Variants in FADS2 observed in about 807,000 individuals in gnomAD.
FADS2 encodes the protein acyl-CoA 6-desaturase.
A neutral mutation model predicts 61.2 loss-of-function variants in FADS2; 18 were observed. The ratio of observed to expected loss-of-function variants is 0.29; its 90% confidence interval spans 0.20 to 0.44. The LOEUF is 0.44. FADS2 is among the 20% of genes least tolerant of loss of function. FADS2 has a pLI of 1.00. For missense variants in FADS2, 322 were observed against 572.7 expected (o/e 0.56, Z 4.47); for synonymous variants, 203 against 223.9 (o/e 0.91, Z 0.83).
chr11:61,833,371 C>T lies in FADS2; in HGVS notation c.208-4407C>T, dbSNP rs2067144752. ...TATACCTGCCAGATATTTCTGTAAC[C>T]CGGCAGGTGCTGGAAACCTTCTGCC... On this transcript the variant is annotated intron_variant, in intron 1 of 11. Transcript: ENST00000278840. Among the ~76,000 whole-genome samples, 3 of 152,206 alleles carry T rather than the reference C, an allele frequency of 2.0e-5. No individual in the cohort carries two copies. In the South Asian group the frequency reaches 6.2e-4, roughly 31 times the overall value.
chr11:61,816,444 C>T lies in FADS2; in HGVS notation c.141+18C>T, dbSNP rs768737586. ...GGCAACAGGTATGATCAGGCGCCTCCGGGCTTTCCTCCGAATTAGTCGGTG... is the reference window on the plus strand; with the variant it reads ...GGCAACAGGTATGATCAGGCGCCTCTGGGCTTTCCTCCGAATTAGTCGGTG... On this transcript the variant is annotated intron_variant, in intron 1 of 11. Transcript: ENST00000257261. This position sits in a 1 kb window ranked among gnomAD's most constrained non-coding sequence, Gnocchi z 7.0. The T allele has an allele frequency of 1.9e-6, 3 of 1,599,522 alleles. No homozygotes were observed. The highest frequency in any genetic ancestry group is 2.5e-6 in the Non-Finnish European group (3 of 1,179,780).
At chr11:61,832,925 C>T (rs773661109) in intron 1 of FADS2, among the ~76,000 whole-genome samples, 1 of 152,198 alleles carries the variant, frequency 6.6e-6, no homozygotes. Context: ...AGCCTTGCTC[C>T]CCAGAGGACA....
intron 7 of FADS2, among the ~76,000 whole-genome samples, chr11:61,859,929 T>G (rs1432893920): frequency 7.4e-6 from 1 of 135,912 alleles, no homozygotes; most frequent in Non-Finnish European, 1.7e-5. Context: ...GAGCTTGCAG[T>G]GAGCAACTTC....
At chr11:61,846,408 C>T (rs952618992) in intron 4 of FADS2, among the ~76,000 whole-genome samples, 1 of 137,928 alleles carries the variant, frequency 7.3e-6, no homozygotes, top group African/African-American at 2.8e-5. Flanking sequence ...CACTCTCTGA[C>T]TTTTTTTTTT....
At chr11:61,852,322 G>T (rs776822496) in intron 5 of FADS2, among the ~76,000 whole-genome samples, 1 of 152,136 alleles carries the variant, frequency 6.6e-6, no homozygotes, top group Non-Finnish European at 1.5e-5. Context: ...GCGTAGTGGC[G>T]CAATCTCGGT....
chr11:61,837,725 C>A, intron 1 of FADS2, 53 bp from the exon 2 acceptor site: 1 of 1,300,930 alleles, frequency 7.7e-7, no homozygotes, highest in Non-Finnish European at 1.1e-6. Context: ...CCTTGGGGCC[C>A]AAGAGCAGAC....
chr11:61,856,968 A>G (rs753397082), intron 5 of FADS2, 43 bp from the exon 6 acceptor site: 1 of 1,520,716 alleles, frequency 6.6e-7, no homozygotes, highest in Non-Finnish European at 9.1e-7. Flanking sequence ...GGAGGCTGGG[A>G]GCTGAGGCTA....
chr11:61,825,016 C>A (rs188370817), upstream of FADS2, among the ~76,000 whole-genome samples: 1,228 of 151,742 alleles, frequency 8.1e-3, 16 homozygotes, highest in Admixed American at 0.015. Flanking sequence ...CATGGTGAAA[C>A]CCCATCTCTA....
upstream of FADS2, among the ~76,000 whole-genome samples, chr11:61,824,201 G>A (rs1017747195): frequency 2.0e-5 from 3 of 151,776 alleles, no homozygotes; most frequent in African/African-American, 4.8e-5. Flanking sequence ...CACCAACATG[G>A]AGAAACCCTG....
At chr11:61,826,935 T>A (rs1222634288), upstream of FADS2, among the ~76,000 whole-genome samples, 3 of 152,172 alleles carry the variant, frequency 2.0e-5, no homozygotes, top group African/African-American at 2.4e-5. Context: ...ATAATATGCG[T>A]CCTGTTTACC....
chr11:61,865,573 C>G lies in FADS2; in HGVS notation c.1284-65C>G, dbSNP rs542684955. 3 of 1,449,622 alleles carry G rather than the reference C, an allele frequency of 2.1e-6. No homozygotes were observed. In the African/African-American group the frequency reaches 4.2e-5, roughly 20 times the overall value. 89.8% of individuals were successfully genotyped at this position (1,449,622 alleles called of 1,614,324 possible). On this transcript the variant is annotated intron_variant, in intron 11 of 11. Transcript: ENST00000278840. The surrounding 1 kb of genome is among the most constrained non-coding windows in gnomAD (Gnocchi z 4.1). Reference sequence around the variant, plus strand: ...GCCACCTTAATGATGGCCTCCTCAGCCCTTGCACTCCCTGGGGCCACTCCC... The same window carrying G: ...GCCACCTTAATGATGGCCTCCTCAGGCCTTGCACTCCCTGGGGCCACTCCC...
chr11:61,848,109 C>T (rs1392222200), intron 4 of FADS2, 50 bp from the exon 5 acceptor site: 8 of 1,612,958 alleles, frequency 5.0e-6, no homozygotes, highest in South Asian at 3.3e-5. Flanking sequence ...CAAGCGAGCT[C>T]GGTTCCCTGG....
At chr11:61,821,562 G>C (rs1246298738) in intron 1 of FADS2, 11 of 625,382 alleles carry the variant, frequency 1.8e-5, no homozygotes, top group Non-Finnish European at 3.2e-5. Context: ...ACATATAGGA[G>C]AAGCAATACC....
chr11:61,851,822 G>T (rs916925), intron 5 of FADS2, among the ~76,000 whole-genome samples: 1 of 152,118 alleles, frequency 6.6e-6, no homozygotes, highest in South Asian at 2.1e-4. Context: ...CCTTTTCCTC[G>T]TTTTCTGCAT....
In FADS2 at chr11:61,848,237, G is replaced by A; in HGVS notation, c.697G>A (p.Val233Met). 6.2e-7 allele frequency: 1 copy of A among 1,614,230 alleles called. No homozygotes were observed. Among genetic ancestry groups the A allele is most frequent in the Non-Finnish European group, 8.5e-7 (1 of 1,180,042 alleles). The change falls in exon 5 of 12, where the codon GTG (valine) becomes ATG (methionine). Residue 233 changes from valine (V) to methionine (M), a missense_variant. This residue lies in a region of FADS2 where 221 missense variants were observed against 427.9 expected (regional missense o/e 0.52). Transcript: ENST00000278840. ...KPNIFHKDPD[V>M]NMLHVFVLGE... ...TAACATCTTCCACAAGGATCCCGAT[G>A]TGAACATGCTGCACGTGTTTGTTCT...
intron 1 of FADS2, among the ~76,000 whole-genome samples, chr11:61,835,208 T>A (rs979855845): frequency 2.6e-5 from 4 of 152,140 alleles, no homozygotes; most frequent in African/African-American, 9.7e-5. Context: ...CCCAGTTTTC[T>A]CCTGCACGAA....
intron 4 of FADS2, among the ~76,000 whole-genome samples, chr11:61,843,872 G>T (rs535940122): frequency 6.6e-5 from 10 of 152,108 alleles, no homozygotes; most frequent in African/African-American, 2.4e-4. Context: ...TGTTGTCCAG[G>T]CTGGTCTTGA....
chr11:61,863,770 T>A lies in FADS2; in HGVS notation c.1141T>A (p.Phe381Ile). 1 of 1,614,054 alleles carries A rather than the reference T, an allele frequency of 6.2e-7. No homozygotes were observed. Among genetic ancestry groups the A allele is most frequent in the Non-Finnish European group, 8.5e-7 (1 of 1,179,920 alleles). The part of the protein sequence containing the change: ...FNDWFSGHLN[F>I]QIEHHLFPTM... ...CGACTGGTTCAGTGGACACCTTAAC[T>A]TCCAGATTGAGCACCAGTGAGCGCG... The change falls in exon 10 of 12, where the codon TTC (phenylalanine) becomes ATC (isoleucine). Residue 381 changes from phenylalanine (F) to isoleucine (I), a missense_variant. Phe to Ile is a conservative substitution (Grantham distance 21). Around this residue, in one of 3 missense-constraint regions of FADS2, gnomAD observed 221 missense variants for 427.9 expected, o/e 0.52. Coordinates refer to ENST00000278840, the MANE Select transcript of FADS2 (RefSeq NM_004265.4).
upstream of FADS2, among the ~76,000 whole-genome samples, chr11:61,824,521 A>AAG (rs1159365631): frequency 1.1e-4 from 12 of 108,796 alleles, no homozygotes; most frequent in African/African-American, 3.3e-4. Context: ...GAAAGAAAGA[A>AAG]AGAAAGAAAA....
Sources: gnomAD v4.1 joint callset for allele counts (sites outside exome capture counted in the v4.1 genomes callset) on GRCh38, gnomAD v4.1.1 for gene constraint, gnomAD v4.1.1 regional missense constraint, Gnocchi (gnomAD v3.1) non-coding constraint, MANE v1.5 for transcripts, NCBI Gene and HGNC (gene_info 2026-07-23, HGNC 2026-07-21) for gene names.